The following NCKAP5 variants were observed in gnomAD, a reference collection of about 807,000 sequenced individuals.
NCKAP5 encodes NCK associated protein 5, also known as nck-associated protein 5.
NCKAP5 carries 92 observed loss-of-function variants against 167.0 expected under a neutral mutation model. That is an observed-to-expected ratio of 0.55 (90% confidence interval 0.47 to 0.66). The LOEUF (loss-of-function observed/expected upper bound fraction) is 0.66. NCKAP5 is among the 30% of genes least tolerant of loss of function. The pLI is 0.00. For missense variants in NCKAP5, 2,378 were observed against 2,315.0 expected, an observed-to-expected ratio of 1.03 and a Z score of -0.56; for synonymous variants, 891 against 877.4, an observed-to-expected ratio of 1.02 and a Z score of -0.27.
At chr2:133,340,454 CA>C (rs1396847790) in intron 3 of NCKAP5, among the ~76,000 whole-genome samples, 1 of 152,116 alleles carries the variant, frequency 6.6e-6, no homozygotes, top group Non-Finnish European at 1.5e-5. Flanking sequence ...CCTCTCTTTC[CA>C]TTCCACAAAT....
intron 3 of NCKAP5, among the ~76,000 whole-genome samples, chr2:133,411,018 C>G (rs1559463093): frequency 1.3e-5 from 2 of 152,180 alleles, no homozygotes; most frequent in African/African-American, 4.8e-5. Flanking sequence ...GAAATCCAAT[C>G]AATATTGAGT....
At chr2:133,403,668 C>G (rs1037341375) in intron 3 of NCKAP5, among the ~76,000 whole-genome samples, 2 of 152,216 alleles carry the variant, frequency 1.3e-5, no homozygotes, top group African/African-American at 4.8e-5. Flanking sequence ...CTTCCTGTCA[C>G]CACCTTTGCA....
chr2:133,263,731 C>T (rs2089035143), intron 4 of NCKAP5, among the ~76,000 whole-genome samples: 1 of 152,112 alleles, frequency 6.6e-6, no homozygotes, highest in Admixed American at 6.5e-5. Context: ...AAAAGAGAAA[C>T]TGCCATTTAT....
At chr2:132,979,971 T>TC (rs2077083058) in intron 7 of NCKAP5, among the ~76,000 whole-genome samples, 1 of 151,646 alleles carries the variant, frequency 6.6e-6, no homozygotes, top group African/African-American at 2.4e-5. Context: ...ACAATGATTT[T>TC]TTTTTTCTTT....
chr2:133,315,787 G>A (rs542238948), intron 3 of NCKAP5, among the ~76,000 whole-genome samples: 10 of 152,256 alleles, frequency 6.6e-5, no homozygotes, highest in South Asian at 4.1e-4. Context: ...TTAGCGGCCC[G>A]ACAAAAACAG....
chr2:133,228,433 A>T (rs891399672), intron 4 of NCKAP5, among the ~76,000 whole-genome samples: 6 of 152,188 alleles, frequency 3.9e-5, no homozygotes, highest in African/African-American at 1.4e-4. Context: ...TTGAGCCTAC[A>T]TCTTGTTTTC....
At chr2:133,481,633 G>A (rs1448772243) in intron 3 of NCKAP5, among the ~76,000 whole-genome samples, 1 of 152,044 alleles carries the variant, frequency 6.6e-6, no homozygotes, top group Non-Finnish European at 1.5e-5. Context: ...CCCTCTTTGC[G>A]TCCATGTGTT....
chr2:133,435,665 T>TA (rs1380777216), intron 3 of NCKAP5, among the ~76,000 whole-genome samples: 12 of 152,122 alleles, frequency 7.9e-5, no homozygotes, highest in African/African-American at 1.7e-4. Flanking sequence ...AGGTTTTAGT[T>TA]AAAAAAAGCA....
intron 11 of NCKAP5, among the ~76,000 whole-genome samples, chr2:132,808,705 G>T (rs1390489844): frequency 2.6e-5 from 4 of 151,910 alleles, no homozygotes; most frequent in African/African-American, 7.2e-5. Flanking sequence ...TCTTTTCAAT[G>T]AACCAGTTTT....
intron 8 of NCKAP5, among the ~76,000 whole-genome samples, chr2:132,903,697 T>C (rs553338091): frequency 0.011 from 1,633 of 152,316 alleles, 12 homozygotes; most frequent in Non-Finnish European, 0.014. Context: ...ATAATGTCTA[T>C]CTTTTGGAGG....
rs190858203 is a variant in NCKAP5, at chr2:133,489,294, G to A, written c.69+28164C>T. ...GCCTTTTCTGCAGACACAGGGGTTA[G>A]ATAATCTGAAAGGGCCCCATGGGAC... On this transcript the variant is annotated intron_variant, in intron 3 of 19. Coordinates refer to ENST00000409261, the MANE Select transcript of NCKAP5 (RefSeq NM_207363.3). Among the ~76,000 whole-genome samples, 7 of 152,316 alleles carry A rather than the reference G, an allele frequency of 4.6e-5. No individual in the cohort carries two copies. The East Asian group carries it at 1.4e-3, about 29-fold the overall frequency.
rs749121416 is a variant in NCKAP5, at chr2:132,785,229, C to T, written c.1582G>A (p.Val528Ile). 2 of 1,571,798 alleles carry T rather than the reference C, an allele frequency of 1.3e-6. No homozygotes were observed. Among genetic ancestry groups the T allele is most frequent in the East Asian group, 2.2e-5 (1 of 44,558 alleles). ...RKHFLEGTSS[V>I]YPKERPEKLT... ...TTTTCAGGCCTTTCCTTGGGATAAACTGAGGATGTGCCTTCCAGAAAGTGT... is the reference window on the plus strand; with the variant it reads ...TTTTCAGGCCTTTCCTTGGGATAAATTGAGGATGTGCCTTCCAGAAAGTGT... Residue 528 changes from valine to isoleucine, a missense_variant, in exon 14 of 20, where the codon GTT (valine) becomes ATT (isoleucine). Around this residue, in one of 3 missense-constraint regions of NCKAP5, gnomAD observed 1,049 missense variants for 1,023.4 expected, o/e 1.02. Coordinates refer to ENST00000409261, the MANE Select transcript of NCKAP5 (RefSeq NM_207363.3).
At chr2:132,861,176 T>C (rs1311702551) in intron 10 of NCKAP5, among the ~76,000 whole-genome samples, 3 of 152,158 alleles carry the variant, frequency 2.0e-5, no homozygotes, top group Non-Finnish European at 4.4e-5. Flanking sequence ...TCCTCTGAAC[T>C]CATGGATTTC....
intron 6 of NCKAP5, among the ~76,000 whole-genome samples, chr2:133,126,087 G>A (rs1007825253): frequency 2.0e-5 from 3 of 152,206 alleles, no homozygotes; most frequent in Admixed American, 1.3e-4. Context: ...TCACACAGCT[G>A]AAACTGCATA....
At chr2:133,265,045 G>A (rs538052547) in intron 4 of NCKAP5, 49 of 152,356 alleles carry the variant, frequency 3.2e-4, no homozygotes, top group African/African-American at 1.1e-3. Context: ...CATGAAGCCG[G>A]GAAATGACTG....
At chr2:133,540,481 A>C (rs1268783433) in intron 2 of NCKAP5, among the ~76,000 whole-genome samples, 1 of 152,256 alleles carries the variant, frequency 6.6e-6, no homozygotes, top group East Asian at 1.9e-4. Flanking sequence ...TTTTAGACTT[A>C]CTAAAAACAC....
intron 6 of NCKAP5, among the ~76,000 whole-genome samples, chr2:133,009,859 GGA>G (rs1248110375): frequency 6.6e-6 from 1 of 152,010 alleles, no homozygotes; most frequent in Non-Finnish European, 1.5e-5. Flanking sequence ...CGTGAGGTCA[GGA>G]GTTCGAGACC....
chr2:132,929,312 C>T (rs942723724), intron 8 of NCKAP5, among the ~76,000 whole-genome samples: 4 of 152,026 alleles, frequency 2.6e-5, no homozygotes, highest in African/African-American at 9.7e-5. Flanking sequence ...TCACACAAAA[C>T]ACTTTTCTTG....
chr2:133,639,367 C>G, the NCKAP5 span, among the ~76,000 whole-genome samples: 2 of 152,146 alleles, frequency 1.3e-5, no homozygotes, highest in Non-Finnish European at 2.9e-5. Context: ...ATGACGATAG[C>G]AACATTATCT....
Sources: gnomAD v4.1 joint callset for allele counts (sites outside exome capture counted in the v4.1 genomes callset) on GRCh38, gnomAD v4.1.1 for gene constraint, gnomAD v4.1.1 regional missense constraint, MANE v1.5 for transcripts, NCBI Gene and HGNC (gene_info 2026-07-23, HGNC 2026-07-21) for gene names.